The following NHSL1 variants were observed in gnomAD, a reference collection of about 807,000 sequenced individuals.
NHSL1 encodes the protein NHS-like protein 1.
A neutral mutation model predicts 95.0 loss-of-function variants in NHSL1; 48 were observed. The ratio of observed to expected loss-of-function variants is 0.51; its 90% CI spans 0.40 to 0.64. The LOEUF is 0.64. Among genes scored for constraint, NHSL1 ranks in the 30% least tolerant of loss-of-function variants. NHSL1 has a pLI of 0.00. For synonymous variants in NHSL1, 783 were observed against 833.9 expected (o/e 0.94, Z 1.05); for missense variants, 1,971 against 2,077.7 (o/e 0.95, Z 1.00).
chr6:138,542,003 C>T (rs1421080693), intron 1 of NHSL1, among the ~76,000 whole-genome samples: 2 of 152,136 alleles, frequency 1.3e-5, no homozygotes, highest in Admixed American at 6.5e-5. Flanking sequence ...AAATCATGTC[C>T]GCTCACAACC....
exon 1 of NHSL1, chr6:138,572,136 A>T (rs1783863257): frequency 2.1e-6 from 1 of 478,294 alleles, no homozygotes; most frequent in South Asian, 3.6e-5. Context: ...CCCTAGCCAC[A>T]TTGTGGACTC....
chr6:138,482,445 CA>C (rs34849976), intron 2 of NHSL1, among the ~76,000 whole-genome samples: 33,959 of 81,250 alleles, frequency 0.42, 3,096 homozygotes, highest in Admixed American at 0.5. Flanking sequence ...GACTCCGTCT[CA>C]AAAAAAAAAA....
rs141708568 is a variant in NHSL1, at chr6:138,512,805, G to A, written c.17-16434C>T. On this transcript the variant is annotated intron_variant, in intron 1 of 4. Transcript: ENST00000342260. ...TTCTTCTCAGGTCTATGCACATGGC[G>A]AGAGAAAGGTTTCAGAAGATTCCCA... is the stretch of plus-strand genomic sequence containing the variant. Among the ~76,000 whole-genome samples, 402 of 152,288 alleles carry A rather than the reference G, an allele frequency of 2.6e-3. 1 individual carries two copies. The highest frequency in any genetic ancestry group is 6.8e-3 in the Middle Eastern group (2 of 294).
chr6:138,663,392 C>G (rs920728761), intron 1 of NHSL1, among the ~76,000 whole-genome samples: 2 of 151,618 alleles, frequency 1.3e-5, no homozygotes, highest in Non-Finnish European at 2.9e-5. Flanking sequence ...GAAACCCTGT[C>G]TCTACTAAAA....
intron 1 of NHSL1, among the ~76,000 whole-genome samples, chr6:138,508,131 A>G (rs1583325544): frequency 1.3e-5 from 2 of 152,228 alleles, no homozygotes; most frequent in Admixed American, 6.5e-5. Context: ...CATGTGACAA[A>G]TGTTGAACAA....
At chr6:138,599,122 A>T (rs1171954747) in intron 1 of NHSL1, among the ~76,000 whole-genome samples, 2 of 152,160 alleles carry the variant, frequency 1.3e-5, no homozygotes, top group African/African-American at 4.8e-5. Flanking sequence ...ACCTAAGAAA[A>T]CATTCTGAGC....
At chr6:138,584,554 A>C (rs916196314) in intron 1 of NHSL1, among the ~76,000 whole-genome samples, 8 of 152,220 alleles carry the variant, frequency 5.3e-5, no homozygotes, top group Non-Finnish European at 1.2e-4. Flanking sequence ...CTTTTGTTAC[A>C]GTCTTAAAGT....
chr6:138,439,543 T>A (rs891832589), intron 5 of NHSL1, among the ~76,000 whole-genome samples: 1 of 152,222 alleles, frequency 6.6e-6, no homozygotes, highest in Non-Finnish European at 1.5e-5. Context: ...CAAATAAATA[T>A]GTAATCCAAT....
At chr6:138,470,671 C>G (rs545367401) in intron 3 of NHSL1, 43 of 152,306 alleles carry the variant, frequency 2.8e-4, no homozygotes, top group African/African-American at 8.7e-4. Context: ...GTGGCTGGTG[C>G]TTTTGTAAGA....
intron 5 of NHSL1, among the ~76,000 whole-genome samples, chr6:138,440,603 T>C (rs1776467940): frequency 1.3e-5 from 2 of 151,794 alleles, no homozygotes; most frequent in South Asian, 4.1e-4. Flanking sequence ...TGACTATTGC[T>C]ACAGCATGGA....
chr6:138,685,997 G>C (rs914305348), intron 1 of NHSL1, among the ~76,000 whole-genome samples: 12 of 152,102 alleles, frequency 7.9e-5, no homozygotes, highest in African/African-American at 2.7e-4. Flanking sequence ...TAGAAGCAGA[G>C]AGTACAATGA....
At chr6:138,608,133 A>C (rs1156412397) in intron 1 of NHSL1, among the ~76,000 whole-genome samples, 1 of 152,234 alleles carries the variant, frequency 6.6e-6, no homozygotes, top group Non-Finnish European at 1.5e-5. Flanking sequence ...CACTTTCTCA[A>C]AGGACATATT....
chr6:138,689,181 C>T (rs1785626799), intron 1 of NHSL1, among the ~76,000 whole-genome samples: 1 of 152,160 alleles, frequency 6.6e-6, no homozygotes, highest in Admixed American at 6.5e-5. Context: ...GCTATCACAT[C>T]CAGGCATTGT....
chr6:138,477,271 T>C (rs1161034667), intron 2 of NHSL1, among the ~76,000 whole-genome samples: 1 of 152,210 alleles, frequency 6.6e-6, no homozygotes, highest in African/African-American at 2.4e-5. Flanking sequence ...TTCAAAATTG[T>C]TTTATTTGTT....
intron 1 of NHSL1, among the ~76,000 whole-genome samples, chr6:138,592,761 A>G (rs1784249908): frequency 1.3e-5 from 2 of 152,316 alleles, no homozygotes; most frequent in Non-Finnish European, 1.5e-5. Context: ...TTTTCTAAAT[A>G]TCGTAAGACA....
chr6:138,664,768 G>C (rs576010601), intron 1 of NHSL1, among the ~76,000 whole-genome samples: 2 of 152,118 alleles, frequency 1.3e-5, no homozygotes, highest in Non-Finnish European at 2.9e-5. Flanking sequence ...TGCAATTGTC[G>C]GAGCTGGCTA....
chr6:138,438,118 C>T (rs910837291), intron 5 of NHSL1, among the ~76,000 whole-genome samples: 2 of 152,128 alleles, frequency 1.3e-5, no homozygotes, highest in African/African-American at 2.4e-5. Flanking sequence ...AACAGTATTA[C>T]GTGCTACAGA....
chr6:138,576,691 C>T (rs114344016), upstream of NHSL1, among the ~76,000 whole-genome samples: 526 of 152,284 alleles, frequency 3.5e-3, 7 homozygotes, highest in African/African-American at 0.012. Context: ...GTCGCAGCTG[C>T]CTTTGGCCAG....
At chr6:138,464,938 C>T (rs1179903586) in intron 3 of NHSL1, among the ~76,000 whole-genome samples, 1 of 151,588 alleles carries the variant, frequency 6.6e-6, no homozygotes, top group African/African-American at 2.4e-5. Context: ...GTCTCAAACT[C>T]CTGGCCTCAG....
Sources: gnomAD v4.1 joint callset for allele counts (sites outside exome capture counted in the v4.1 genomes callset) on GRCh38, gnomAD v4.1.1 for gene constraint, MANE v1.5 for transcripts, NCBI Gene and HGNC (gene_info 2026-07-23, HGNC 2026-07-21) for gene names.